HCN1: variants seen among roughly 807,000 people sequenced by gnomAD.
The protein encoded by HCN1 is hyperpolarization activated cyclic nucleotide gated potassium channel 1.
A neutral mutation model predicts 78.9 loss-of-function variants in HCN1; 13 were observed. The observed-to-expected ratio is 0.16, with a 90% CI of 0.11 to 0.26. HCN1 has a LOEUF of 0.26. Among genes scored for constraint, HCN1 ranks in the 10% least tolerant of loss-of-function variants. The probability of loss-of-function intolerance (pLI) is 1.00; values close to 1 mark genes in which losing one functional copy is unlikely to be tolerated. For missense variants in HCN1, 810 were observed against 1,154.3 expected, an observed-to-expected ratio of 0.70 and a Z score of 4.32; for synonymous variants, 552 against 455.5, an observed-to-expected ratio of 1.21 and a Z score of -2.70.
chr5:45,374,011 A>T (rs1442830584), intron 4 of HCN1, among the ~76,000 whole-genome samples: 1 of 98,672 alleles, frequency 1.0e-5, no homozygotes, highest in Non-Finnish European at 1.9e-5. Context: ...TTATATACAT[A>T]ATATATATTA....
rs1739688209 is a variant in HCN1 at position 45,396,416 on chromosome 5, G to A, written c.1230+76C>T. 4 of 1,086,074 alleles carry A rather than the reference G, an allele frequency of 3.7e-6. No individual in the cohort carries two copies. The Admixed American group carries it at 5.9e-5, about 16-fold the overall frequency. The allele number at this position is 1,086,074 out of a possible 1,614,324, so 67.3% of individuals were successfully genotyped here. A position where few individuals can be genotyped will look rare whatever the true frequency, so the allele number is the denominator to read the frequency against. On this transcript the variant is annotated intron_variant, in intron 4 of 7. Coordinates refer to ENST00000303230, the MANE Select transcript of HCN1 (RefSeq NM_021072.4). ...TTTTTTTTATAGAGGAGATGGTGTA[G>A]TTATCTTGAACACAATTCAATTTAC...
At chr5:45,271,433 C>A (rs1235463941) in intron 6 of HCN1, among the ~76,000 whole-genome samples, 3 of 150,640 alleles carry the variant, frequency 2.0e-5, no homozygotes, top group Admixed American at 6.7e-5. Context: ...TTTAGGGATT[C>A]TTTTTTTGGT....
At chr5:45,620,905 G>C (rs556148113) in intron 2 of HCN1, among the ~76,000 whole-genome samples, 20 of 152,208 alleles carry the variant, frequency 1.3e-4, no homozygotes, top group African/African-American at 4.8e-4. Context: ...TATGTGCCAG[G>C]CATCCTTCCA....
Position 45,346,034 on chromosome 5 carries a change from C to T in HCN1, c.1377+7066G>A, listed in dbSNP as rs185960824. 1.5e-3 allele frequency among the ~76,000 whole-genome samples: 228 copies of T among 152,306 alleles called. 1 individual carries two copies. Among genetic ancestry groups the T allele is most frequent in the African/African-American group, 2.9e-3 (121 of 41,580 alleles). ...AGCATGGCAGAAGGGGAAGCAAACA[C>T]GTCCTTCTTTGCTTGGTGGCAGAAA... On this transcript the variant is annotated intron_variant, in intron 5 of 7. Transcript: ENST00000303230.
chr5:45,272,156 AC>A (rs1409363133), intron 6 of HCN1, among the ~76,000 whole-genome samples: 6 of 152,146 alleles, frequency 3.9e-5, no homozygotes, highest in Non-Finnish European at 8.8e-5. Context: ...TTCTCTTGAT[AC>A]AATATTAAGC....
At chr5:45,290,416 A>G (rs1194223338) in intron 6 of HCN1, among the ~76,000 whole-genome samples, 2 of 152,060 alleles carry the variant, frequency 1.3e-5, no homozygotes, top group Non-Finnish European at 2.9e-5. Context: ...CAACATATGA[A>G]TTGTAGGGGA....
At chr5:45,646,886 G>A (rs556406284) in intron 1 of HCN1, among the ~76,000 whole-genome samples, 1 of 152,154 alleles carries the variant, frequency 6.6e-6, no homozygotes, top group African/African-American at 2.4e-5. Context: ...GAGGAGTTTT[G>A]TATAAACAAT....
chr5:45,338,745 T>A (rs1746515218), intron 5 of HCN1, among the ~76,000 whole-genome samples: 1 of 152,172 alleles, frequency 6.6e-6, no homozygotes, highest in Non-Finnish European at 1.5e-5. Context: ...TCTATCACTG[T>A]GACTTGAATG....
intron 2 of HCN1, among the ~76,000 whole-genome samples, chr5:45,462,325 T>C (rs1741179019): frequency 6.6e-6 from 1 of 152,124 alleles, no homozygotes; most frequent in East Asian, 1.9e-4. Context: ...CAAAGCTACT[T>C]TAAAACAAGG....
At chr5:45,312,525 C>G (rs779152342) in intron 5 of HCN1, among the ~76,000 whole-genome samples, 1 of 152,160 alleles carries the variant, frequency 6.6e-6, no homozygotes, top group African/African-American at 2.4e-5. Flanking sequence ...GGGTGCAGGA[C>G]AGTGGGTGCA....
chr5:45,679,447 C>T (rs1350380325), intron 1 of HCN1, among the ~76,000 whole-genome samples: 2 of 152,114 alleles, frequency 1.3e-5, no homozygotes, highest in East Asian at 1.9e-4. Flanking sequence ...AGCAGGAAAT[C>T]GTCCCCCAGC....
At chr5:45,609,254 AC>A (rs1344633342) in intron 2 of HCN1, among the ~76,000 whole-genome samples, 1 of 152,156 alleles carries the variant, frequency 6.6e-6, no homozygotes, top group African/African-American at 2.4e-5. Context: ...AGAAATGTAC[AC>A]AAGAAGACAT....
At chr5:45,549,662 T>A (rs1243331664) in intron 2 of HCN1, among the ~76,000 whole-genome samples, 1 of 152,054 alleles carries the variant, frequency 6.6e-6, no homozygotes, top group Non-Finnish European at 1.5e-5. Context: ...CTAATTAAAC[T>A]CAAGAGCTTC....
chr5:45,519,744 G>C (rs1742580032), intron 2 of HCN1, among the ~76,000 whole-genome samples: 1 of 151,596 alleles, frequency 6.6e-6, no homozygotes, highest in Admixed American at 6.6e-5. Context: ...ATCTAAGAGG[G>C]ACCAAAAGGA....
chr5:45,472,694 T>C (rs1393995386), intron 2 of HCN1, among the ~76,000 whole-genome samples: 2 of 151,872 alleles, frequency 1.3e-5, no homozygotes, highest in Non-Finnish European at 2.9e-5. Context: ...GGTATGACTA[T>C]ATATTGTTTC....
chr5:45,602,202 G>A (rs1744638878), intron 2 of HCN1, among the ~76,000 whole-genome samples: 1 of 152,118 alleles, frequency 6.6e-6, no homozygotes, highest in South Asian at 2.1e-4. Context: ...CTAGCGGCAT[G>A]AGAATGGACT....
intron 2 of HCN1, among the ~76,000 whole-genome samples, chr5:45,532,419 T>G (rs1413742944): frequency 6.6e-6 from 1 of 152,210 alleles, no homozygotes; most frequent in African/African-American, 2.4e-5. Flanking sequence ...TAGAAAAGAA[T>G]GTGATTTCCA....
At chr5:45,469,175 G>T (rs1202357247) in intron 2 of HCN1, among the ~76,000 whole-genome samples, 1 of 151,828 alleles carries the variant, frequency 6.6e-6, no homozygotes, top group Non-Finnish European at 1.5e-5. Context: ...CTTAGGAAAA[G>T]AAATACATCT....
intron 2 of HCN1, among the ~76,000 whole-genome samples, chr5:45,628,287 A>T (rs532189964): frequency 6.6e-6 from 1 of 152,312 alleles, no homozygotes; most frequent in East Asian, 1.9e-4. Context: ...ACATGTTCCC[A>T]CACCATCAAA....
Sources: allele counts gnomAD v4.1 joint callset (sites outside exome capture counted in the v4.1 genomes callset), GRCh38; gene constraint gnomAD v4.1.1; transcripts MANE v1.5; gene names NCBI Gene and HGNC (gene_info 2026-07-23, HGNC 2026-07-21).